Variants in RELN observed in about 807,000 individuals in gnomAD.
The protein encoded by RELN is reelin.
RELN carries 108 observed loss-of-function variants against 427.6 expected under a neutral mutation model. That is an observed-to-expected ratio of 0.25 (90% CI 0.22 to 0.30). The LOEUF (loss-of-function observed/expected upper bound fraction) is 0.30, where lower values mean the gene tolerates loss of function less well. Ranked by LOEUF, RELN falls within the 10% of genes least tolerant of loss-of-function variation. The pLI, the probability that RELN is intolerant of heterozygous loss-of-function variation, is 1.00. For synonymous variants in RELN, 1,524 were observed against 1,513.4 expected (o/e 1.01, Z -0.16); for missense variants, 3,715 against 4,302.8 (o/e 0.86, Z 3.82).
intron 43 of RELN, 58 bp downstream of exon 43, chr7:103,542,673 T>C: frequency 6.3e-7 from 1 of 1,580,572 alleles, no homozygotes; most frequent in Non-Finnish European, 8.7e-7. Context: ...GATTTGATTA[T>C]GTTCTGCTAT....
intron 11 of RELN, among the ~76,000 whole-genome samples, chr7:103,679,634 G>A (rs114757849): frequency 1.1e-4 from 17 of 152,118 alleles, no homozygotes; most frequent in African/African-American, 3.9e-4. Flanking sequence ...AATTTCCTCT[G>A]ATGTTCCTCT....
At position 103,558,009 on chromosome 7, in the gene RELN, G is replaced by A; in HGVS notation, c.5570C>T (p.Thr1857Ile). 6.7e-7 allele frequency: 1 copy of A among 1,502,832 alleles called. No homozygotes were observed. Among genetic ancestry groups the A allele is most frequent in the Non-Finnish European group, 9.3e-7 (1 of 1,079,120 alleles). The allele number at this position is 1,502,832 out of a possible 1,614,324, so 93.1% of individuals were successfully genotyped here. Residue 1857 changes from threonine (T) to isoleucine (I), a missense_variant, in exon 37 of 65, where the codon ACA becomes ATA. Physicochemically the swap from Thr to Ile is moderately conservative, Grantham distance 89 (BLOSUM62 -1). Transcript: ENST00000428762. ...TGAAAACTGGACATACATTGTATTT[G>A]TACAATCTAGATCTCTTGAAATAAG... Reference protein sequence around the residue: ...RMLISRDLDCTNTMYVQFSLR... With the variant: ...RMLISRDLDCINTMYVQFSLR...
At chr7:103,788,444 C>T (rs956252535) in intron 3 of RELN, among the ~76,000 whole-genome samples, 6 of 152,258 alleles carry the variant, frequency 3.9e-5, no homozygotes, top group East Asian at 1.9e-4. Context: ...AAAACCCCAT[C>T]GTCTCAGCCC....
At chr7:103,591,302 C>T (rs1831410451) in intron 27 of RELN, among the ~76,000 whole-genome samples, 1 of 152,042 alleles carries the variant, frequency 6.6e-6, no homozygotes, top group South Asian at 2.1e-4. Context: ...ATGAAAAGAA[C>T]ATGATACGAC....
chr7:103,598,177 A>C (rs568263004), intron 24 of RELN, among the ~76,000 whole-genome samples: 6 of 152,316 alleles, frequency 3.9e-5, no homozygotes, highest in Non-Finnish European at 8.8e-5. Context: ...AAAGCCAATT[A>C]AGAGTTTTCA....
At chr7:103,745,635 G>C (rs1442290725) in intron 6 of RELN, among the ~76,000 whole-genome samples, 1 of 151,320 alleles carries the variant, frequency 6.6e-6, no homozygotes, top group African/African-American at 2.5e-5. Flanking sequence ...GACAAACAGA[G>C]AGCCAAATCA....
intron 46 of RELN, among the ~76,000 whole-genome samples, chr7:103,526,816 G>A (rs2299333): frequency 2.6e-5 from 4 of 152,098 alleles, no homozygotes; most frequent in Non-Finnish European, 4.4e-5. Flanking sequence ...CAAGAACTAC[G>A]AGTGTCTTGG....
intron 41 of RELN, among the ~76,000 whole-genome samples, chr7:103,548,845 C>T (rs1830354457): frequency 6.6e-6 from 1 of 152,198 alleles, no homozygotes; most frequent in South Asian, 2.1e-4. Flanking sequence ...CGCTGGAGCA[C>T]TCCCCTGGCA....
rs576713610 is a variant in RELN, at chr7:103,483,631, C to A, written c.10181+22G>T. 4 of 1,611,140 alleles carry A rather than the reference C, an allele frequency of 2.5e-6. No individual in the cohort carries two copies. The South Asian group carries it at 4.4e-5, about 18-fold the overall frequency. ...CAAAGGGATTGTGCATGAGACCATG[C>A]CTTTCCATTTGGGCCACTTACAGGG... On this transcript the variant is annotated intron_variant, in intron 62 of 64. Transcript: ENST00000428762.
chr7:103,616,137 G>T (rs1398728338), intron 20 of RELN, among the ~76,000 whole-genome samples: 1 of 152,134 alleles, frequency 6.6e-6, no homozygotes, highest in East Asian at 1.9e-4. Flanking sequence ...TGCCATAAGA[G>T]AAGCTAATGC....
At chr7:103,973,248 A>G (rs1201681333) in intron 1 of RELN, among the ~76,000 whole-genome samples, 1 of 152,242 alleles carries the variant, frequency 6.6e-6, no homozygotes, top group Non-Finnish European at 1.5e-5. Flanking sequence ...AGTTACTGTA[A>G]TAAGAGAGAG....
At chr7:103,612,077 A>C (rs1397005049) in intron 20 of RELN, among the ~76,000 whole-genome samples, 2 of 152,126 alleles carry the variant, frequency 1.3e-5, no homozygotes, top group African/African-American at 2.4e-5. Context: ...AAACCTTTTG[A>C]CTCATTAATC....
intron 2 of RELN, among the ~76,000 whole-genome samples, chr7:103,871,601 G>T (rs1159920717): frequency 6.6e-6 from 1 of 152,092 alleles, no homozygotes; most frequent in East Asian, 1.9e-4. Context: ...AGACCATGGA[G>T]GGCAGGAGTG....
intron 36 of RELN, among the ~76,000 whole-genome samples, chr7:103,561,320 T>C (rs1830636479): frequency 1.3e-5 from 2 of 152,184 alleles, no homozygotes; most frequent in Admixed American, 1.3e-4. Context: ...GAAGGTCTGA[T>C]CACCAAAGCA....
At chr7:103,716,231 T>C (rs567140392) in intron 8 of RELN, among the ~76,000 whole-genome samples, 1 of 152,304 alleles carries the variant, frequency 6.6e-6, no homozygotes, top group South Asian at 2.1e-4. Context: ...TTTCCTGGAC[T>C]TTCTAACAAA....
intron 3 of RELN, among the ~76,000 whole-genome samples, chr7:103,831,324 T>A (rs972248668): frequency 6.6e-6 from 1 of 152,104 alleles, no homozygotes; most frequent in Non-Finnish European, 1.5e-5. Context: ...AATGACAACA[T>A]TGAACATCAT....
At chr7:103,656,342 G>A (rs1209524180) in intron 12 of RELN, among the ~76,000 whole-genome samples, 2 of 152,096 alleles carry the variant, frequency 1.3e-5, no homozygotes, top group African/African-American at 4.8e-5. Flanking sequence ...AACCCAGGAA[G>A]TTGGCTTGAT....
chr7:103,943,848 C>CA (rs10631941), intron 1 of RELN, among the ~76,000 whole-genome samples: 28,315 of 76,340 alleles, frequency 0.37, 5,642 homozygotes, highest in Non-Finnish European at 0.44. Context: ...ATTCTGTCTC[C>CA]AAAAAAAAAA....
intron 11 of RELN, among the ~76,000 whole-genome samples, chr7:103,675,854 G>T (rs1833507764): frequency 6.6e-6 from 1 of 152,136 alleles, no homozygotes. Context: ...GCTGAAACTG[G>T]ATCCCTTCCT....
Sources: allele counts gnomAD v4.1 joint callset (sites outside exome capture counted in the v4.1 genomes callset), GRCh38; gene constraint gnomAD v4.1.1; transcripts MANE v1.5; gene names NCBI Gene and HGNC (gene_info 2026-07-23, HGNC 2026-07-21).